The following LRRC4C variants were observed in gnomAD, a reference collection of about 807,000 sequenced individuals.
LRRC4C encodes leucine rich repeat containing 4C, also known as leucine-rich repeat-containing protein 4C.
Under a neutral mutation model 33.6 loss-of-function variants are expected in LRRC4C, and 5 were observed. The ratio of observed to expected loss-of-function variants is 0.15; its 90% CI spans 0.08 to 0.31. LRRC4C has a LOEUF of 0.31. Ranked by LOEUF, LRRC4C falls within the 10% of genes least tolerant of loss-of-function variation. The probability of loss-of-function intolerance (pLI) is 1.00; values close to 1 mark genes in which losing one functional copy is unlikely to be tolerated. For missense variants in LRRC4C, 560 were observed against 796.7 expected, an observed-to-expected ratio of 0.70 and a Z score of 3.58; for synonymous variants, 329 against 302.0, an observed-to-expected ratio of 1.09 and a Z score of -0.93.
At chr11:40,397,848 T>C (rs186696583) in intron 3 of LRRC4C, among the ~76,000 whole-genome samples, 1 of 152,112 alleles carries the variant, frequency 6.6e-6, no homozygotes, top group East Asian at 1.9e-4. Context: ...GTGGGAAAGG[T>C]TGTAGAAAAA....
intron 2 of LRRC4C, among the ~76,000 whole-genome samples, chr11:40,890,650 G>C (rs1348023913): frequency 1.3e-5 from 2 of 152,084 alleles, no homozygotes; most frequent in African/African-American, 4.8e-5. Context: ...TGTTCTATGG[G>C]AGTAGAATAG....
chr11:40,457,373 T>C lies in LRRC4C; in HGVS notation c.-269-137652A>G, dbSNP rs1360655906. The stretch of plus-strand genomic sequence containing the variant: ...GTTTTAATTGTATGATGAAGGTGTA[T>C]GTATCTATTAAAAAGAAAATCTCTC... On this transcript the variant is annotated intron_variant, in intron 3 of 6. Transcript: ENST00000528697. Among the ~76,000 whole-genome samples the C allele has an allele frequency of 3.9e-5, 6 of 152,236 alleles. No individual in the cohort carries two copies. The East Asian group carries it at 9.7e-4, about 25-fold the overall frequency.
At chr11:40,822,389 CT>C (rs1951971097) in intron 2 of LRRC4C, among the ~76,000 whole-genome samples, 1 of 150,810 alleles carries the variant, frequency 6.6e-6, no homozygotes, top group African/African-American at 2.4e-5. Context: ...TATAAACAAC[CT>C]TTTTTAAAAA....
chr11:40,975,500 T>G (rs1350936705), intron 1 of LRRC4C, among the ~76,000 whole-genome samples: 1 of 152,240 alleles, frequency 6.6e-6, no homozygotes, highest in Non-Finnish European at 1.5e-5. Context: ...AAATACTACC[T>G]CAGGATGACT....
intron 2 of LRRC4C, among the ~76,000 whole-genome samples, chr11:40,685,027 C>T (rs1944890134): frequency 2.0e-5 from 3 of 151,970 alleles, no homozygotes; most frequent in Admixed American, 2.0e-4. Context: ...AAATAAGTTT[C>T]TTAACAAAGA....
chr11:41,302,059 A>C (rs1010495630), intron 1 of LRRC4C, among the ~76,000 whole-genome samples: 13 of 152,222 alleles, frequency 8.5e-5, no homozygotes, highest in African/African-American at 2.7e-4. Context: ...GTAATATACA[A>C]TTCACCATTG....
chr11:41,227,964 C>T (rs908973687), intron 1 of LRRC4C, among the ~76,000 whole-genome samples: 5 of 151,982 alleles, frequency 3.3e-5, no homozygotes, highest in African/African-American at 1.2e-4. Flanking sequence ...AATAATATTT[C>T]TAATCTCTCT....
intron 3 of LRRC4C, among the ~76,000 whole-genome samples, chr11:40,588,282 C>A (rs1378693264): frequency 6.6e-6 from 1 of 151,644 alleles, no homozygotes; most frequent in Non-Finnish European, 1.5e-5. Context: ...TTGTAGTATT[C>A]TCTGATGGTA....
At chr11:40,748,789 A>G (rs573668854) in intron 2 of LRRC4C, among the ~76,000 whole-genome samples, 7 of 152,242 alleles carry the variant, frequency 4.6e-5, no homozygotes, top group South Asian at 4.1e-4. Context: ...ATGTAAAAAG[A>G]TATTCCAGGC....
At chr11:41,171,514 C>T (rs1944975476) in intron 1 of LRRC4C, among the ~76,000 whole-genome samples, 1 of 150,826 alleles carries the variant, frequency 6.6e-6, no homozygotes, top group Non-Finnish European at 1.5e-5. Context: ...AAAAACCAAA[C>T]ACTGCATGTT....
intron 3 of LRRC4C, among the ~76,000 whole-genome samples, chr11:40,580,272 G>A (rs1168934158): frequency 2.6e-5 from 4 of 152,208 alleles, no homozygotes; most frequent in African/African-American, 9.6e-5. Context: ...GGGGAAGCAA[G>A]GACCTTCACA....
chr11:41,198,603 A>G (rs1016874944), intron 1 of LRRC4C, among the ~76,000 whole-genome samples: 1 of 140,654 alleles, frequency 7.1e-6, no homozygotes. Context: ...TCTGACAAGA[A>G]CAAGAAATAT....
At chr11:40,170,764 A>C (rs1434054691) in intron 5 of LRRC4C, among the ~76,000 whole-genome samples, 1 of 152,194 alleles carries the variant, frequency 6.6e-6, no homozygotes, top group Non-Finnish European at 1.5e-5. Context: ...CTGCCTTTAG[A>C]AATCTCAGGC....
chr11:40,977,618 G>C (rs561887702), intron 1 of LRRC4C, among the ~76,000 whole-genome samples: 2 of 152,224 alleles, frequency 1.3e-5, no homozygotes, highest in African/African-American at 4.8e-5. Flanking sequence ...AAGTAGTTAA[G>C]ATCCAAGGAG....
At chr11:40,171,581 G>A (rs1860049729) in intron 5 of LRRC4C, among the ~76,000 whole-genome samples, 1 of 152,006 alleles carries the variant, frequency 6.6e-6, no homozygotes, top group Admixed American at 6.6e-5. Context: ...ATAAAAAAGG[G>A]GTCTTTATAA....
intron 1 of LRRC4C, among the ~76,000 whole-genome samples, chr11:40,956,560 C>T (rs1258938347): frequency 6.6e-6 from 1 of 151,634 alleles, no homozygotes; most frequent in African/African-American, 2.4e-5. Flanking sequence ...CCTTTCTAGG[C>T]TTATCCCATG....
chr11:41,132,829 G>A (rs1943078639), intron 1 of LRRC4C, among the ~76,000 whole-genome samples: 1 of 151,970 alleles, frequency 6.6e-6, no homozygotes, highest in South Asian at 2.1e-4. Context: ...TACCAAAAAG[G>A]ACAATGTGGG....
intron 1 of LRRC4C, among the ~76,000 whole-genome samples, chr11:40,949,619 C>T (rs1279407409): frequency 6.6e-6 from 1 of 152,006 alleles, no homozygotes; most frequent in Non-Finnish European, 1.5e-5. Flanking sequence ...CCAAACTAAG[C>T]TTCATAACTG....
At chr11:40,320,447 A>G (rs1410307281) in intron 3 of LRRC4C, among the ~76,000 whole-genome samples, 1 of 152,184 alleles carries the variant, frequency 6.6e-6, no homozygotes, top group Non-Finnish European at 1.5e-5. Context: ...AGAGGCTTGC[A>G]GTGAGCTGAG....
Sources: gnomAD v4.1 joint callset for allele counts (sites outside exome capture counted in the v4.1 genomes callset) on GRCh38, gnomAD v4.1.1 for gene constraint, MANE v1.5 for transcripts, NCBI Gene and HGNC (gene_info 2026-07-23, HGNC 2026-07-21) for gene names.